TNKS: variants seen among roughly 807,000 people sequenced by gnomAD.
TNKS encodes tankyrase.
Under a neutral mutation model 135.8 loss-of-function variants are expected in TNKS, and 72 were observed. The ratio of observed to expected loss-of-function variants is 0.53; its 90% CI spans 0.44 to 0.64. The LOEUF is 0.64. Among genes scored for constraint, TNKS ranks in the 30% least tolerant of loss-of-function variants. The probability of loss-of-function intolerance (pLI) is 0.00; values close to 1 mark genes in which losing one functional copy is unlikely to be tolerated. For synonymous variants in TNKS, 849 were observed against 649.3 expected (o/e 1.31, Z -4.68); for missense variants, 1,769 against 1,674.0 (o/e 1.06, Z -0.99).
intron 11 of TNKS, among the ~76,000 whole-genome samples, chr8:9,715,512 T>G (rs568170134): frequency 6.6e-6 from 1 of 152,194 alleles, no homozygotes; most frequent in Non-Finnish European, 1.5e-5. Context: ...TTCATTGTCC[T>G]GCTGTCCTCT....
intron 24 of TNKS, 27 bp from the exon 25 acceptor site, chr8:9,766,212 C>G (rs778446917): frequency 6.3e-7 from 1 of 1,579,176 alleles, no homozygotes; most frequent in Non-Finnish European, 8.6e-7. Context: ...TGTTCAAAAA[C>G]GAATCTTTCT....
intron 2 of TNKS, among the ~76,000 whole-genome samples, chr8:9,596,278 A>G (rs976857926): frequency 4.6e-5 from 7 of 152,156 alleles, no homozygotes; most frequent in African/African-American, 1.2e-4. Context: ...TCTGAAACTC[A>G]TATATTATTA....
chr8:9,661,401 A>T (rs943356167), intron 3 of TNKS, among the ~76,000 whole-genome samples: 61 of 152,318 alleles, frequency 4.0e-4, no homozygotes, highest in African/African-American at 1.4e-3. Context: ...GACCAATGGA[A>T]CAGAACAGAG....
intron 5 of TNKS, among the ~76,000 whole-genome samples, chr8:9,702,896 A>G (rs1803875897): frequency 6.6e-6 from 1 of 152,086 alleles, no homozygotes; most frequent in South Asian, 2.1e-4. Context: ...CGCGCCTGTA[A>G]TCCCAAATAC....
intron 13 of TNKS, among the ~76,000 whole-genome samples, chr8:9,728,878 A>ATT (rs1408727289): frequency 3.9e-5 from 6 of 152,122 alleles, no homozygotes; most frequent in Admixed American, 3.9e-4. Flanking sequence ...ACCACTTAAA[A>ATT]AGCGCTTGTT....
At chr8:9,654,374 T>TA (rs35774396) in intron 3 of TNKS, among the ~76,000 whole-genome samples, 1 of 152,010 alleles carries the variant, frequency 6.6e-6, no homozygotes, top group African/African-American at 2.4e-5. Context: ...TTTCTTGTGT[T>TA]AAAAAAAACA....
At chr8:9,571,848 G>T (rs1417663597) in intron 1 of TNKS, among the ~76,000 whole-genome samples, 6 of 152,072 alleles carry the variant, frequency 3.9e-5, no homozygotes, top group African/African-American at 1.2e-4. Context: ...TGAATATAAA[G>T]AGTTTCTCAC....
At chr8:9,680,423 CCAA>C (rs932099625) in intron 4 of TNKS, among the ~76,000 whole-genome samples, 7 of 151,966 alleles carry the variant, frequency 4.6e-5, no homozygotes, top group African/African-American at 1.2e-4. Context: ...ATTTTTAACT[CCAA>C]CGTTTTAGTC....
intron 26 of TNKS, among the ~76,000 whole-genome samples, chr8:9,773,703 T>G (rs1808070503): frequency 6.6e-6 from 1 of 151,354 alleles, no homozygotes; most frequent in Admixed American, 6.7e-5. Context: ...AGAGAGTGAT[T>G]AGTACAAAAC....
At chr8:9,560,940 TG>T (rs1427611345) in intron 1 of TNKS, among the ~76,000 whole-genome samples, 2 of 152,174 alleles carry the variant, frequency 1.3e-5, no homozygotes, top group African/African-American at 4.8e-5. Flanking sequence ...TACTGCTCTT[TG>T]GAAGCAAATG....
chr8:9,741,811 C>G (rs1433674287), intron 17 of TNKS: 2 of 458,368 alleles, frequency 4.4e-6, no homozygotes, highest in Admixed American at 2.1e-5. Flanking sequence ...GACTTGCTGT[C>G]ACCTGAAGAG....
intron 1 of TNKS, among the ~76,000 whole-genome samples, chr8:9,574,674 A>G (rs530840025): frequency 6.6e-6 from 1 of 152,350 alleles, no homozygotes; most frequent in East Asian, 1.9e-4. Context: ...TATTTTCTTC[A>G]AATTCTTCAC....
chr8:9,656,057 T>C (rs1039502039), intron 3 of TNKS, among the ~76,000 whole-genome samples: 8 of 152,090 alleles, frequency 5.3e-5, no homozygotes, highest in Non-Finnish European at 7.4e-5. Flanking sequence ...AAAGAGCTGA[T>C]GGAGCTGAAA....
intron 22 of TNKS, 53 bp downstream of exon 22, chr8:9,763,297 C>T (rs898424161): frequency 4.7e-6 from 6 of 1,286,402 alleles, no homozygotes; most frequent in South Asian, 1.4e-5. Context: ...TGTGGATAAA[C>T]CTCTTTTTCT....
At chr8:9,579,816 C>T (rs1450108640) in intron 1 of TNKS, among the ~76,000 whole-genome samples, 2 of 152,134 alleles carry the variant, frequency 1.3e-5, no homozygotes, top group Admixed American at 6.5e-5. Context: ...TGATGAGTTT[C>T]TATATACAGT....
At chr8:9,701,894 G>A (rs1803821485) in intron 5 of TNKS, among the ~76,000 whole-genome samples, 2 of 152,186 alleles carry the variant, frequency 1.3e-5, no homozygotes. Flanking sequence ...TAACACATGG[G>A]TGAGGAGACT....
At chr8:9,627,406 T>C (rs1800102582) in intron 3 of TNKS, among the ~76,000 whole-genome samples, 1 of 152,214 alleles carries the variant, frequency 6.6e-6, no homozygotes, top group East Asian at 1.9e-4. Flanking sequence ...GTAAAACAAC[T>C]TGGGATGTGT....
At chr8:9,641,570 G>A (rs977142977) in intron 3 of TNKS, among the ~76,000 whole-genome samples, 5 of 144,954 alleles carry the variant, frequency 3.4e-5, no homozygotes, top group Non-Finnish European at 7.5e-5. Flanking sequence ...TGTGTTTTTG[G>A]AATTTATTCA....
In TNKS at chr8:9,556,104, C is replaced by T. The variant is rs1815277328; in HGVS notation, c.165C>T (p.Pro55=). 1.2e-6 allele frequency: 2 copies of T among 1,601,062 alleles called. No individual in the cohort carries two copies. ...CTCCCACGGCCAGCGGCCTGGCCCC[C>T]TTCGCCTCCCCGCGGCACGGCCTAG... ...PASPTASGLA[P]FASPRHGLAL... The change falls in exon 1 of 27, where the codon CCC becomes CCT. Residue 55 remains proline (P), a synonymous_variant. Transcript: ENST00000310430.
Sources: gnomAD v4.1 joint callset for allele counts (sites outside exome capture counted in the v4.1 genomes callset) on GRCh38, gnomAD v4.1.1 for gene constraint, MANE v1.5 for transcripts, NCBI Gene and HGNC (gene_info 2026-07-23, HGNC 2026-07-21) for gene names.